Variants in MYRFL observed in about 807,000 individuals in gnomAD.
MYRFL encodes myelin regulatory factor like.
A neutral mutation model predicts 109.4 loss-of-function variants in MYRFL; 88 were observed. That is an observed-to-expected ratio of 0.80 (90% CI 0.68 to 0.96). The LOEUF (loss-of-function observed/expected upper bound fraction) is 0.96. MYRFL is among the 40% of genes least tolerant of loss of function. The pLI, the probability that MYRFL is intolerant of heterozygous loss-of-function variation, is 0.00. For synonymous variants in MYRFL, 324 were observed against 320.9 expected (o/e 1.01, Z -0.10); for missense variants, 957 against 954.9 (o/e 1.00, Z -0.03).
chr12:69,832,054 G>A (rs1882660661), intron 1 of MYRFL, among the ~76,000 whole-genome samples: 1 of 152,134 alleles, frequency 6.6e-6, no homozygotes, highest in Non-Finnish European at 1.5e-5. Context: ...AGTTTAGGGA[G>A]CTGGCAAGTT....
chr12:69,909,013 T>A (rs368757034), intron 11 of MYRFL, among the ~76,000 whole-genome samples: 1 of 152,268 alleles, frequency 6.6e-6, no homozygotes, highest in South Asian at 2.1e-4. Flanking sequence ...GAACATGCAG[T>A]ATTTGGTGTT....
At chr12:69,926,801 A>G in intron 14 of MYRFL, 67 bp downstream of exon 14, 1 of 1,267,782 alleles carries the variant, frequency 7.9e-7, no homozygotes, top group Non-Finnish European at 1.0e-6. Flanking sequence ...CCAGAATAAG[A>G]TCAATCTAAA....
chr12:69,953,689 C>T (rs1956032867), intron 21 of MYRFL, among the ~76,000 whole-genome samples: 1 of 151,788 alleles, frequency 6.6e-6, no homozygotes, highest in Non-Finnish European at 1.5e-5. Flanking sequence ...ATCTTTTGAG[C>T]CCAGGAGGTC....
chr12:69,846,079 G>A (rs1343156911), intron 1 of MYRFL, among the ~76,000 whole-genome samples: 1 of 138,108 alleles, frequency 7.2e-6, no homozygotes, highest in Non-Finnish European at 1.5e-5. Flanking sequence ...CTTGGATGCT[G>A]GCTTTTAGAT....
chr12:69,854,065 C>T (rs553709645), intron 1 of MYRFL, among the ~76,000 whole-genome samples: 31 of 152,344 alleles, frequency 2.0e-4, no homozygotes, highest in Admixed American at 5.9e-4. Flanking sequence ...ACATTGAGCA[C>T]TGAGTTAGTG....
chr12:69,901,562 CATG>C (rs1285139213), intron 10 of MYRFL, among the ~76,000 whole-genome samples: 2 of 152,210 alleles, frequency 1.3e-5, no homozygotes, highest in African/African-American at 4.8e-5. Context: ...AAGTTACCAA[CATG>C]ATAATAACTA....
At chr12:69,851,699 C>T (rs1208077387) in intron 1 of MYRFL, among the ~76,000 whole-genome samples, 2 of 152,178 alleles carry the variant, frequency 1.3e-5, no homozygotes, top group Non-Finnish European at 2.9e-5. Context: ...AGCTTTGTTG[C>T]CTAGGCTGAA....
chr12:69,855,144 C>T (rs1565973399), intron 1 of MYRFL, 136 bp from the exon 2 acceptor site: 5 of 467,144 alleles, frequency 1.1e-5, no homozygotes, highest in Non-Finnish European at 1.9e-5. Context: ...TTACTTTGTG[C>T]CTCTTCCATG....
At chr12:69,902,544 T>C (rs1455420372) in intron 10 of MYRFL, among the ~76,000 whole-genome samples, 1 of 152,140 alleles carries the variant, frequency 6.6e-6, no homozygotes, top group Non-Finnish European at 1.5e-5. Context: ...CTGCAATGTA[T>C]CATATACCAC....
At chr12:69,895,551 G>A (rs1953961312) in intron 9 of MYRFL, 70 bp downstream of exon 9, 3 of 1,297,492 alleles carry the variant, frequency 2.3e-6, no homozygotes, top group Non-Finnish European at 3.2e-6. Context: ...CCCTCCTGGG[G>A]CCCCTCTGAT....
chr12:69,894,781 C>T (rs1887122583), intron 8 of MYRFL, among the ~76,000 whole-genome samples: 1 of 152,204 alleles, frequency 6.6e-6, no homozygotes, highest in South Asian at 2.1e-4. Context: ...AGGGTTTTGA[C>T]CCTGAATCAA....
At chr12:69,944,763 G>C (rs957372146) in intron 19 of MYRFL, among the ~76,000 whole-genome samples, 1 of 152,114 alleles carries the variant, frequency 6.6e-6, no homozygotes, top group Non-Finnish European at 1.5e-5. Flanking sequence ...AGCATTAGGA[G>C]AAATACCTAA....
Position 69,893,759 on chromosome 12 carries a change from T to C in MYRFL, c.904-5T>C. On this transcript the variant is annotated splice_polypyrimidine_tract_variant and splice_region_variant and intron_variant, in intron 7 of 24. Coordinates refer to ENST00000552032, the MANE Select transcript of MYRFL (RefSeq NM_182530.3). ...AATTAGTTTACTTTTTGTTGTTTCA[T>C]ACAGGTGGAAGCTACCAATCAAATA... The C allele has an allele frequency of 7.1e-7, 1 of 1,402,040 alleles. No individual in the cohort carries two copies. Among genetic ancestry groups the C allele is most frequent in the Non-Finnish European group, 9.3e-7 (1 of 1,077,728 alleles). The allele number at this position is 1,402,040 out of a possible 1,614,324, so 86.8% of individuals were successfully genotyped here. A position where few individuals can be genotyped will look rare whatever the true frequency, so the allele number is the denominator to read the frequency against.
chr12:69,922,187 A>G (rs1325711278), intron 13 of MYRFL, among the ~76,000 whole-genome samples: 1 of 152,140 alleles, frequency 6.6e-6, no homozygotes, highest in African/African-American at 2.4e-5. Context: ...GCTGGTGGAC[A>G]TCAGCTGACC....
chr12:69,928,836 A>G (rs1955181853), intron 15 of MYRFL, among the ~76,000 whole-genome samples: 1 of 152,214 alleles, frequency 6.6e-6, no homozygotes, highest in Non-Finnish European at 1.5e-5. Context: ...TAGGAAAGGT[A>G]CCCTTTGGAC....
chr12:69,934,311 G>A (rs913112888), intron 16 of MYRFL, among the ~76,000 whole-genome samples: 1 of 152,218 alleles, frequency 6.6e-6, no homozygotes, highest in African/African-American at 2.4e-5. Flanking sequence ...TCCATGCAGG[G>A]CTCATGGCCA....
intron 5 of MYRFL, among the ~76,000 whole-genome samples, chr12:69,885,163 G>A (rs1381144076): frequency 2.0e-5 from 3 of 152,084 alleles, no homozygotes; most frequent in Admixed American, 6.5e-5. Flanking sequence ...GTGAGAGCAC[G>A]AAGAGCTCCT....
chr12:69,837,391 C>T (rs1883011888), intron 1 of MYRFL, among the ~76,000 whole-genome samples: 1 of 152,114 alleles, frequency 6.6e-6, no homozygotes. Flanking sequence ...CGGACTTTGC[C>T]TAACCCCCTG....
At chr12:69,891,605 C>CTTTCTTTCTTTCTCTT (rs1555249258) in intron 7 of MYRFL, among the ~76,000 whole-genome samples, 1 of 53,126 alleles carries the variant, frequency 1.9e-5, no homozygotes, top group African/African-American at 5.1e-5. Context: ...TTCTTTCTTT[C>CTTTCTTTCTTTCTCTT]TCTTTCTTTC....
Sources: allele counts gnomAD v4.1 joint callset (sites outside exome capture counted in the v4.1 genomes callset), GRCh38; gene constraint gnomAD v4.1.1; transcripts MANE v1.5; gene names NCBI Gene and HGNC (gene_info 2026-07-23, HGNC 2026-07-21).